The following TLE2 variants were observed in gnomAD, a reference collection of about 807,000 sequenced individuals.
TLE2 encodes TLE family member 2, transcriptional corepressor.
In TLE2, 74 loss-of-function variants were observed where a neutral mutation model predicts 97.2. The ratio of observed to expected loss-of-function variants is 0.76; its 90% CI spans 0.63 to 0.92. The LOEUF (loss-of-function observed/expected upper bound fraction) is 0.92. Among genes scored for constraint, TLE2 ranks in the 40% least tolerant of loss-of-function variants. The pLI is 0.00. For missense variants in TLE2, 1,038 were observed against 1,008.7 expected (o/e 1.03, Z -0.39); for synonymous variants, 499 against 432.1 (o/e 1.15, Z -1.92).
upstream of TLE2, among the ~76,000 whole-genome samples, chr19:3,029,829 C>T (rs2090008296): frequency 6.6e-6 from 1 of 152,130 alleles, no homozygotes; most frequent in African/African-American, 2.4e-5. Context: ...TAGGGTCTCC[C>T]TGTGTTGCCC....
At chr19:3,015,211 G>C (rs1175145134) in intron 9 of TLE2, among the ~76,000 whole-genome samples, 1 of 152,146 alleles carries the variant, frequency 6.6e-6, no homozygotes, top group Non-Finnish European at 1.5e-5. Context: ...GCTGGCCACA[G>C]CCCCATTCCC....
intron 8 of TLE2, among the ~76,000 whole-genome samples, chr19:3,016,760 C>T (rs1326628375): frequency 6.6e-6 from 1 of 151,906 alleles, no homozygotes; most frequent in African/African-American, 2.4e-5. Flanking sequence ...ATTTAATTAC[C>T]CGAAAAAAGC....
At chr19:3,034,124 C>T (rs980555743), upstream of TLE2, among the ~76,000 whole-genome samples, 2 of 151,948 alleles carry the variant, frequency 1.3e-5, no homozygotes, top group South Asian at 4.2e-4. Flanking sequence ...TATCAGGGTT[C>T]CCACACACAT....
chr19:3,004,988 C>A (rs1443054886), intron 17 of TLE2, among the ~76,000 whole-genome samples: 1 of 152,086 alleles, frequency 6.6e-6, no homozygotes, highest in African/African-American at 2.4e-5. Context: ...ACTCCACCTT[C>A]AATGGGGATC....
intron 1 of TLE2, among the ~76,000 whole-genome samples, chr19:3,037,082 C>T (rs2090068668): frequency 1.3e-5 from 2 of 152,274 alleles, no homozygotes; most frequent in South Asian, 4.1e-4. Flanking sequence ...GCCAGGAGTT[C>T]GAGACCAGCC....
upstream of TLE2, among the ~76,000 whole-genome samples, chr19:3,034,079 G>A (rs1654678): frequency 0.1 from 15,452 of 151,808 alleles, 1,008 homozygotes; most frequent in African/African-American, 0.17. Flanking sequence ...CTCCCCTAGA[G>A]GTCCCCCAGA....
rs543320567 is a variant in TLE2, at chr19:3,045,580, G to A, written c.63+146C>T. 46 of 298,532 alleles carry A rather than the reference G, an allele frequency of 1.5e-4. 1 individual carries two copies. Among genetic ancestry groups the A allele is most frequent in the East Asian group, 1.3e-3 (15 of 11,144 alleles). 18.5% of individuals were successfully genotyped at this position (298,532 alleles called of 1,614,324 possible). A position where few individuals can be genotyped will look rare whatever the true frequency, so the allele number is the denominator to read the frequency against. ...ACCTGTAATCCCAACACTTTGGGAG[G>A]CCAAGGCGGGCGGATCACTTGAGGT... On this transcript the variant is annotated intron_variant, in intron 1 of 18. Coordinates refer to the TLE2 transcript ENST00000426948.
chr19:3,014,614 C>T lies in TLE2; in HGVS notation c.679G>A (p.Glu227Lys), dbSNP rs757309064. ...TAATCACTCTTGTCTTCGTCGCTTT[C>T]CTGGGGGAAGATGGGGGAGAGAGCT... ...ADEKEPSGPYESDEDKSDYNL... is the reference protein window; with the variant it reads ...ADEKEPSGPYKSDEDKSDYNL... Residue 227 changes from glutamate (E) to lysine (K), a missense_variant and splice_region_variant, in exon 10 of 20, where the codon GAA becomes AAA. Coordinates refer to ENST00000262953, the MANE Select transcript of TLE2 (RefSeq NM_003260.5). 6.3e-7 allele frequency: 1 copy of T among 1,590,696 alleles called. No individual in the cohort carries two copies. The highest frequency in any genetic ancestry group is 1.7e-5 in the Admixed American group (1 of 57,344).
Position 3,029,101 on chromosome 19 carries a change from C to T in TLE2, c.-197G>A, listed in dbSNP as rs1472227278. ...CGCGCCCGGGGTCGTGGGAGCCCCT[C>T]CCCGGGTTGGGGTGCGCGGGGCGAG... On this transcript the variant is annotated 5_prime_UTR_variant, in exon 1 of 20. Coordinates refer to ENST00000262953, the MANE Select transcript of TLE2 (RefSeq NM_003260.5). 2.4e-6 allele frequency: 3 copies of T among 1,235,204 alleles called. No homozygotes were observed. In the African/African-American group the frequency reaches 4.7e-5, roughly 19 times the overall value. The allele number at this position is 1,235,204 out of a possible 1,614,324, so 76.5% of individuals were successfully genotyped here.
chr19:3,018,091 G>C (rs748684231), intron 7 of TLE2, among the ~76,000 whole-genome samples: 1 of 151,958 alleles, frequency 6.6e-6, no homozygotes, highest in Non-Finnish European at 1.5e-5. Context: ...CAGCCCATTG[G>C]GGGTGATGTT....
intron 19 of TLE2, among the ~76,000 whole-genome samples, chr19:2,999,061 C>A (rs1001324167): frequency 6.6e-6 from 1 of 152,134 alleles, no homozygotes; most frequent in South Asian, 2.1e-4. Flanking sequence ...GCAGGTGGAT[C>A]ACCTGAGGTC....
intron 11 of TLE2, among the ~76,000 whole-genome samples, chr19:3,013,262 C>T (rs372559112): frequency 1.6e-4 from 25 of 152,056 alleles, no homozygotes; most frequent in African/African-American, 4.8e-4. Flanking sequence ...TCTTTCCTTC[C>T]GGGGACAACA....
intron 1 of TLE2, among the ~76,000 whole-genome samples, chr19:3,043,342 T>C (rs544628743): frequency 2.0e-5 from 3 of 146,836 alleles, no homozygotes; most frequent in East Asian, 4.0e-4. Context: ...GCGTGAGCCA[T>C]GGCACCCGGC....
chr19:3,025,240 G>T, intron 4 of TLE2, 158 bp from the exon 5 acceptor site: 1 of 1,080,838 alleles, frequency 9.3e-7, no homozygotes, highest in Non-Finnish European at 1.3e-6. Context: ...CATGGGCCGA[G>T]GTGGGATTCA....
At position 3,015,653 on chromosome 19, in the gene TLE2, A is replaced by AT; in HGVS notation, c.677dup (p.Tyr226Ter). The change falls in exon 9 of 20, where the codon TAT becomes TAAT. Residue 226 changes from tyrosine (Y) to a stop codon, truncating the protein, a stop_gained and frameshift_variant and splice_region_variant. Transcript: ENST00000262953. LOFTEE classifies it high-confidence loss of function. ...RADEKEPSGP[Y>*]ESDEDKSDYN... ...CAGTCCTGCACCTGCCCCCACTCAC[A>AT]TAAGGTCCTGATGGCTCCTTCTCAT... The AT allele has an allele frequency of 1.2e-6, 2 of 1,605,646 alleles. No individual in the cohort carries two copies. The highest frequency in any genetic ancestry group is 1.7e-6 in the Non-Finnish European group (2 of 1,176,796).
intron 1 of TLE2, among the ~76,000 whole-genome samples, chr19:3,045,218 T>C (rs2090133158): frequency 6.6e-6 from 1 of 152,036 alleles, no homozygotes; most frequent in East Asian, 1.9e-4. Context: ...TGTCTCAAAA[T>C]AATAAAAATA....
In TLE2 at chr19:3,007,808, G is replaced by A. The variant is rs755550136; in HGVS notation, c.1250+1061C>T. On this transcript the variant is annotated intron_variant, in intron 14 of 19. Transcript: ENST00000262953. ...GAAATTAAATAAACATTTTCAGGCCGGCACAGTGGCTCACACCTGGAATCC... is the reference window on the plus strand; with the variant it reads ...GAAATTAAATAAACATTTTCAGGCCAGCACAGTGGCTCACACCTGGAATCC... 9.9e-5 allele frequency among the ~76,000 whole-genome samples: 15 copies of A among 152,230 alleles called. 1 individual carries two copies. The Middle Eastern group carries it at 0.014, about 138-fold the overall frequency.
chr19:3,009,885 C>CTTT (rs66977119), intron 12 of TLE2, among the ~76,000 whole-genome samples, 183 bp from the exon 13 acceptor site: 3 of 139,354 alleles, frequency 2.2e-5, no homozygotes, highest in Non-Finnish European at 4.8e-5. Flanking sequence ...CTTTCTCTCT[C>CTTT]TCTTTTTTTC....
At chr19:2,998,237 A>ATATGTG (rs1396605311) in intron 19 of TLE2, among the ~76,000 whole-genome samples, 1 of 121,406 alleles carries the variant, frequency 8.2e-6, no homozygotes, top group South Asian at 2.7e-4. Flanking sequence ...CGCCCGGCCA[A>ATATGTG]TGTGTGTGTG....
Sources: allele counts gnomAD v4.1 joint callset (sites outside exome capture counted in the v4.1 genomes callset), GRCh38; gene constraint gnomAD v4.1.1; transcripts MANE v1.5; gene names NCBI Gene and HGNC (gene_info 2026-07-23, HGNC 2026-07-21).